The following ANO2 variants were observed in gnomAD, a reference collection of about 807,000 sequenced individuals.
ANO2 encodes anoctamin 2.
In ANO2, 101 loss-of-function variants were observed where a neutral mutation model predicts 124.2. The ratio of observed to expected loss-of-function variants is 0.81; its 90% CI spans 0.69 to 0.96. The LOEUF (loss-of-function observed/expected upper bound fraction) is 0.96. Ranked by LOEUF, ANO2 falls within the 40% of genes least tolerant of loss-of-function variation. The pLI is 0.00. For missense variants in ANO2, 1,293 were observed against 1,274.5 expected (o/e 1.01, Z -0.22); for synonymous variants, 486 against 482.5 (o/e 1.01, Z -0.09).
chr12:5,883,502 G>GGTGTGTGTGTGTGTGTGTGT (rs5796191), intron 3 of ANO2, among the ~76,000 whole-genome samples: 90 of 144,684 alleles, frequency 6.2e-4, no homozygotes, highest in African/African-American at 2.2e-3. Context: ...ACATTAGGGT[G>GGTGTGTGTGTGTGTGTGTGT]GTGTGTGTGT....
intron 14 of ANO2, among the ~76,000 whole-genome samples, chr12:5,654,125 T>C (rs1379291702): frequency 6.6e-6 from 1 of 152,214 alleles, no homozygotes; most frequent in Non-Finnish European, 1.5e-5. Context: ...AGATAGCAAG[T>C]CATCTGATAG....
chr12:5,639,076 G>A (rs1370672192), intron 15 of ANO2, among the ~76,000 whole-genome samples: 2 of 152,132 alleles, frequency 1.3e-5, no homozygotes, highest in Non-Finnish European at 2.9e-5. Flanking sequence ...ATTAGTCAGA[G>A]AAAACTCCAC....
At chr12:5,592,697 T>C (rs1271070931) in intron 20 of ANO2, among the ~76,000 whole-genome samples, 2 of 152,124 alleles carry the variant, frequency 1.3e-5, no homozygotes, top group African/African-American at 4.8e-5. Context: ...GGAGTCAACT[T>C]AGGATGCATT....
intron 3 of ANO2, among the ~76,000 whole-genome samples, chr12:5,909,391 A>T (rs1196230561): frequency 6.6e-6 from 1 of 152,158 alleles, no homozygotes; most frequent in East Asian, 1.9e-4. Context: ...AACTTTATCA[A>T]TTTTTTTATT....
At chr12:5,854,466 T>C (rs532968124) in intron 3 of ANO2, among the ~76,000 whole-genome samples, 1 of 148,312 alleles carries the variant, frequency 6.7e-6, no homozygotes, top group African/African-American at 2.5e-5. Context: ...TAAGCAATCA[T>C]GATTTTCACG....
At chr12:5,612,525 C>A in intron 19 of ANO2, 131 bp downstream of exon 19, 1 of 752,688 alleles carries the variant, frequency 1.3e-6, no homozygotes, top group South Asian at 1.7e-5. Flanking sequence ...AAGTTATTGG[C>A]AAATTGACAG....
At chr12:5,864,044 G>A (rs1245024547) in intron 3 of ANO2, among the ~76,000 whole-genome samples, 1 of 152,052 alleles carries the variant, frequency 6.6e-6, no homozygotes, top group Non-Finnish European at 1.5e-5. Context: ...CTCTGCCTTG[G>A]TACTCAAAGC....
At chr12:5,748,707 A>G (rs534964541) in intron 11 of ANO2, among the ~76,000 whole-genome samples, 6 of 152,200 alleles carry the variant, frequency 3.9e-5, no homozygotes, top group African/African-American at 7.2e-5. Flanking sequence ...TAGATAGTTC[A>G]TAAGTATTAG....
intron 14 of ANO2, among the ~76,000 whole-genome samples, chr12:5,724,495 G>A (rs529288148): frequency 5.3e-5 from 8 of 152,114 alleles, no homozygotes; most frequent in Non-Finnish European, 8.8e-5. Context: ...CCACCCACGC[G>A]CATGCTCCAA....
At chr12:5,679,131 T>C (rs1948384936) in intron 14 of ANO2, among the ~76,000 whole-genome samples, 1 of 151,726 alleles carries the variant, frequency 6.6e-6, no homozygotes, top group Non-Finnish European at 1.5e-5. Context: ...TGTACAAAAA[T>C]TAACTCAAGA....
intron 23 of ANO2, among the ~76,000 whole-genome samples, chr12:5,572,974 T>C (rs981688654): frequency 6.6e-6 from 1 of 152,136 alleles, no homozygotes; most frequent in Admixed American, 6.5e-5. Flanking sequence ...TGAAGGCAGA[T>C]ACAAGAAAGC....
chr12:5,825,618 A>T (rs1953930967), intron 7 of ANO2, among the ~76,000 whole-genome samples: 2 of 152,120 alleles, frequency 1.3e-5, no homozygotes, highest in African/African-American at 4.8e-5. Context: ...GGCTCCTCCT[A>T]CCTTTAAGTC....
At chr12:5,682,325 C>CTCTCTT (rs1160452379) in intron 14 of ANO2, among the ~76,000 whole-genome samples, 3 of 144,556 alleles carry the variant, frequency 2.1e-5, no homozygotes, top group Non-Finnish European at 3.0e-5. Flanking sequence ...CTATCTATCT[C>CTCTCTT]TCTCTTTCTC....
intron 16 of ANO2, among the ~76,000 whole-genome samples, chr12:5,619,268 C>T (rs11837167): frequency 0.23 from 34,977 of 152,128 alleles, 4,146 homozygotes; most frequent in African/African-American, 0.26. Flanking sequence ...CATCTTCAAC[C>T]GCATAATGCA....
At chr12:5,624,070 G>T (rs1945265066) in intron 16 of ANO2, among the ~76,000 whole-genome samples, 1 of 152,114 alleles carries the variant, frequency 6.6e-6, no homozygotes, top group African/African-American at 2.4e-5. Flanking sequence ...CTGTGGCCCA[G>T]AGAGCTTCCT....
intron 19 of ANO2, among the ~76,000 whole-genome samples, chr12:5,607,492 T>C (rs911939412): frequency 6.6e-6 from 1 of 152,030 alleles, no homozygotes; most frequent in Non-Finnish European, 1.5e-5. Context: ...AGTGAGTATA[T>C]TGTAAAGCCT....
At chr12:5,909,730 C>G (rs1160879867) in intron 3 of ANO2, among the ~76,000 whole-genome samples, 2 of 152,206 alleles carry the variant, frequency 1.3e-5, no homozygotes, top group Non-Finnish European at 2.9e-5. Context: ...TCTTCAGGAG[C>G]CCTCTCTGGG....
intron 3 of ANO2, among the ~76,000 whole-genome samples, chr12:5,866,263 C>T (rs1241384463): frequency 6.6e-6 from 1 of 152,140 alleles, no homozygotes; most frequent in Non-Finnish European, 1.5e-5. Flanking sequence ...AAGGGAAGTC[C>T]TGGGTCAGCA....
At chr12:5,821,896 G>C (rs1441869987) in intron 7 of ANO2, among the ~76,000 whole-genome samples, 2 of 152,174 alleles carry the variant, frequency 1.3e-5, no homozygotes, top group East Asian at 3.9e-4. Flanking sequence ...TGGCTCAAAT[G>C]CTCATGGTCT....
Sources: allele counts gnomAD v4.1 joint callset (sites outside exome capture counted in the v4.1 genomes callset), GRCh38; gene constraint gnomAD v4.1.1; transcripts MANE v1.5; gene names NCBI Gene and HGNC (gene_info 2026-07-23, HGNC 2026-07-21).